The following KHDRBS2 variants were observed in gnomAD, a reference collection of about 807,000 sequenced individuals.
KHDRBS2 encodes the protein KH RNA binding domain containing, signal transduction associated 2.
A neutral mutation model predicts 44.3 loss-of-function variants in KHDRBS2; 26 were observed. The ratio of observed to expected loss-of-function variants is 0.59; its 90% CI spans 0.43 to 0.81. The LOEUF (loss-of-function observed/expected upper bound fraction) is 0.81, where lower values mean the gene tolerates loss of function less well. KHDRBS2 is among the 40% of genes least tolerant of loss of function. The pLI is 0.00. For missense variants in KHDRBS2, 476 were observed against 433.1 expected, an observed-to-expected ratio of 1.10 and a Z score of -0.88; for synonymous variants, 194 against 151.1, an observed-to-expected ratio of 1.28 and a Z score of -2.08.
chr6:61,563,265 C>T, the KHDRBS2 span, among the ~76,000 whole-genome samples: 1 of 152,026 alleles, frequency 6.6e-6, no homozygotes, highest in Admixed American at 6.6e-5. Flanking sequence ...TTTGTCATGT[C>T]AATTTCCCTG....
chr6:61,569,738 T>A, the KHDRBS2 span, among the ~76,000 whole-genome samples: 402 of 152,176 alleles, frequency 2.6e-3, 2 homozygotes, highest in Admixed American at 3.7e-3. Context: ...TGAAGACAGA[T>A]CTCATTACAG....
At chr6:62,285,124 A>G (rs747662751) in intron 1 of KHDRBS2, among the ~76,000 whole-genome samples, 1 of 151,972 alleles carries the variant, frequency 6.6e-6, no homozygotes, top group Non-Finnish European at 1.5e-5. Flanking sequence ...TCTTTTTTCA[A>G]AAAAAAACCT....
At chr6:61,658,222 C>T in the KHDRBS2 span, among the ~76,000 whole-genome samples, 211 of 151,816 alleles carry the variant, frequency 1.4e-3, no homozygotes, top group African/African-American at 4.7e-3. Context: ...TTCAGGCAAG[C>T]TTTCAAACCT....
chr6:62,093,855 T>TG (rs1458211953), intron 2 of KHDRBS2, among the ~76,000 whole-genome samples: 9 of 112,268 alleles, frequency 8.0e-5, no homozygotes, highest in Non-Finnish European at 1.4e-4. Flanking sequence ...ATTCCATTGT[T>TG]TTGTGTGTGT....
chr6:61,986,090 GA>G (rs1287208277), intron 3 of KHDRBS2, among the ~76,000 whole-genome samples: 1 of 152,110 alleles, frequency 6.6e-6, no homozygotes, highest in African/African-American at 2.4e-5. Context: ...TATTATCTGT[GA>G]TGTTTGAAGA....
At chr6:61,595,981 C>T in the KHDRBS2 span, among the ~76,000 whole-genome samples, 7 of 152,090 alleles carry the variant, frequency 4.6e-5, no homozygotes, top group Non-Finnish European at 1.0e-4. Context: ...AAGGCATCAT[C>T]GAGGATGGCT....
intron 6 of KHDRBS2, among the ~76,000 whole-genome samples, chr6:61,803,720 C>T (rs1196258046): frequency 1.3e-5 from 2 of 152,010 alleles, no homozygotes; most frequent in East Asian, 3.9e-4. Context: ...ACTGTGGAGG[C>T]CTCAGGAAAC....
intron 7 of KHDRBS2, among the ~76,000 whole-genome samples, chr6:61,705,824 G>A (rs749515841): frequency 1.6e-4 from 24 of 151,668 alleles, no homozygotes; most frequent in Non-Finnish European, 2.9e-4. Context: ...CCTCCTCTGG[G>A]AAGCTTTCTC....
chr6:61,625,762 C>T, the KHDRBS2 span, among the ~76,000 whole-genome samples: 1 of 152,188 alleles, frequency 6.6e-6, no homozygotes, highest in Non-Finnish European at 1.5e-5. Context: ...CCAGTAATCA[C>T]TTACACATCT....
At chr6:61,771,680 C>A (rs558941659) in intron 6 of KHDRBS2, among the ~76,000 whole-genome samples, 74 of 152,266 alleles carry the variant, frequency 4.9e-4, no homozygotes, top group African/African-American at 1.8e-3. Flanking sequence ...CACCCAGATT[C>A]ATAAAGCAAG....
intron 6 of KHDRBS2, among the ~76,000 whole-genome samples, chr6:61,765,962 T>C (rs1779951532): frequency 6.6e-6 from 1 of 152,086 alleles, no homozygotes; most frequent in Non-Finnish European, 1.5e-5. Context: ...TATTCCTTTG[T>C]CTAGTTTTAG....
the KHDRBS2 span, among the ~76,000 whole-genome samples, chr6:61,554,345 T>C: frequency 6.6e-6 from 1 of 152,150 alleles, no homozygotes; most frequent in Non-Finnish European, 1.5e-5. Context: ...TTTTTCGGTT[T>C]CTCATTTGCT....
the KHDRBS2 span, among the ~76,000 whole-genome samples, chr6:61,605,330 A>T: frequency 0.62 from 93,500 of 151,886 alleles, 29,009 homozygotes; most frequent in Non-Finnish European, 0.65. Context: ...ACACTGCTGG[A>T]TTACACTGCT....
intron 6 of KHDRBS2, among the ~76,000 whole-genome samples, chr6:61,769,541 C>T (rs1025622986): frequency 5.3e-5 from 8 of 152,178 alleles, no homozygotes; most frequent in African/African-American, 1.7e-4. Context: ...GAGGGTCCTA[C>T]TGGCTTGGAG....
chr6:61,860,576 T>C (rs1384062574), intron 6 of KHDRBS2, among the ~76,000 whole-genome samples: 1 of 152,138 alleles, frequency 6.6e-6, no homozygotes, highest in Non-Finnish European at 1.5e-5. Flanking sequence ...CTGCATAATA[T>C]TCCATGGTGT....
the KHDRBS2 span, among the ~76,000 whole-genome samples, chr6:61,663,500 C>CATATATATATATATATATATGT: frequency 0.031 from 1,128 of 35,990 alleles, 263 homozygotes; most frequent in Admixed American, 0.051. Context: ...CATGAGACAC[C>CATATATATATATATATATATGT]ATATATATAT....
intron 1 of KHDRBS2, among the ~76,000 whole-genome samples, chr6:62,227,752 G>A (rs138168469): frequency 1.3e-3 from 197 of 152,106 alleles, no homozygotes; most frequent in African/African-American, 4.3e-3. Context: ...GAATTGTATC[G>A]AAGGCCTTTT....
the KHDRBS2 span, among the ~76,000 whole-genome samples, chr6:61,592,119 A>T: frequency 3.5e-3 from 509 of 146,112 alleles, 4 homozygotes; most frequent in African/African-American, 0.013. Context: ...TGAGACCAGG[A>T]GATTGAGGCT....
At chr6:62,178,340 G>T (rs1821561048) in intron 1 of KHDRBS2, among the ~76,000 whole-genome samples, 2 of 151,524 alleles carry the variant, frequency 1.3e-5, no homozygotes, top group African/African-American at 4.8e-5. Context: ...GAAGAATAGT[G>T]AATGTGGAAA....
Sources: allele counts gnomAD v4.1 joint callset (sites outside exome capture counted in the v4.1 genomes callset), GRCh38; gene constraint gnomAD v4.1.1; transcripts MANE v1.5; gene names NCBI Gene and HGNC (gene_info 2026-07-23, HGNC 2026-07-21).